The following GK variants were observed in gnomAD, a reference collection of about 807,000 sequenced individuals.
GK encodes the protein glycerol kinase.
A neutral mutation model predicts 56.4 loss-of-function variants in GK; 9 were observed. The observed-to-expected ratio is 0.16, with a 90% CI of 0.10 to 0.28. GK has a LOEUF of 0.28. GK is among the 10% of genes least tolerant of loss of function. GK has a pLI of 1.00. For missense variants in GK, 161 were observed against 431.4 expected, an observed-to-expected ratio of 0.37 and a Z score of 5.55; for synonymous variants, 104 against 144.1, an observed-to-expected ratio of 0.72 and a Z score of 1.99.
At chrX:30,660,780 G>A (rs1932689374) in intron 1 of GK, among the ~76,000 whole-genome samples, 1 of 104,049 alleles carries the variant, frequency 9.6e-6, no homozygotes, top group East Asian at 3.0e-4. Context: ...CCACACAAAA[G>A]TCTGAGAACA....
intron 3 of GK, among the ~76,000 whole-genome samples, chrX:30,676,887 T>C (rs1933942061): frequency 9.0e-6 from 1 of 111,593 alleles, no homozygotes; most frequent in Non-Finnish European, 1.9e-5. Context: ...ATAAGGATGC[T>C]CAGCATGAAG....
chrX:30,685,222 C>T (rs1348964340), intron 4 of GK, among the ~76,000 whole-genome samples: 2 of 110,580 alleles, frequency 1.8e-5, no homozygotes, highest in East Asian at 2.8e-4. Context: ...AGCTCCGCCT[C>T]CCGGGTTCAC....
At chrX:30,721,372 A>G (rs1001179326) in intron 18 of GK, among the ~76,000 whole-genome samples, 11 of 108,314 alleles carry the variant, frequency 1.0e-4, no homozygotes, top group Non-Finnish European at 1.7e-4. Context: ...GCTCACTGCA[A>G]GCTCCGCCTC....
chrX:30,715,267 T>C (rs1457105170), intron 13 of GK, among the ~76,000 whole-genome samples: 1 of 112,261 alleles, frequency 8.9e-6, no homozygotes, highest in Non-Finnish European at 1.9e-5. Context: ...TGAAGAAAAA[T>C]GTATTTGCCT....
intron 2 of GK, among the ~76,000 whole-genome samples, chrX:30,666,278 A>G (rs1400306391): frequency 1.8e-5 from 2 of 112,394 alleles, no homozygotes; most frequent in Non-Finnish European, 3.8e-5. Context: ...TAACAATGGA[A>G]TGCCATTTAG....
At position 30,668,049 on chromosome X, in the gene GK, G is replaced by C; in HGVS notation, c.190G>C (p.Val64Leu). Residue 64 changes from valine to leucine, a missense_variant, in exon 3 of 21, where the codon GTC (valine) becomes CTC (leucine). Coordinates refer to ENST00000427190, the MANE Select transcript of GK (RefSeq NM_001205019.2). Reference protein sequence around the residue: ...EQDPKEILHSVYECIEKTCEK... With the variant: ...EQDPKEILHSLYECIEKTCEK... ...GGACCCTAAGGAAATTCTACATTCT[G>C]TCTATGAGTGTATAGAGAAAACATG... 8.9e-7 allele frequency: 1 copy of C among 1,128,844 alleles called. No individual in the cohort carries two copies. Among genetic ancestry groups the C allele is most frequent in the Non-Finnish European group, 1.2e-6 (1 of 819,949 alleles). 93.0% of individuals were successfully genotyped at this position (1,128,844 alleles called of 1,213,427 possible). A position where few individuals can be genotyped will look rare whatever the true frequency, so the allele number is the denominator to read the frequency against.
intron 3 of GK, among the ~76,000 whole-genome samples, chrX:30,675,129 A>T (rs750827400): frequency 1.8e-5 from 2 of 111,359 alleles, no homozygotes; most frequent in Non-Finnish European, 3.8e-5. Flanking sequence ...ATGTAGAAGG[A>T]TTACCCTTAT....
intron 1 of GK, among the ~76,000 whole-genome samples, chrX:30,657,250 A>G (rs1932364592): frequency 1.8e-5 from 2 of 112,735 alleles, no homozygotes; most frequent in East Asian, 2.8e-4. Flanking sequence ...TAGTAGACAT[A>G]CAATAGAACA....
Position 30,728,799 on chromosome X carries a change from A to G in GK, c.*57A>G. 1 of 898,253 alleles carries G rather than the reference A, an allele frequency of 1.1e-6. No homozygotes were observed. Among genetic ancestry groups the G allele is most frequent in the Non-Finnish European group, 1.6e-6 (1 of 611,183 alleles). The allele number at this position is 898,253 out of a possible 1,213,427, so 74.0% of individuals were successfully genotyped here. On this transcript the variant is annotated 3_prime_UTR_variant, in exon 21 of 21. Coordinates refer to ENST00000427190, the MANE Select transcript of GK (RefSeq NM_001205019.2). ...AGCTTTTTACATAATGAAAGAACCC[A>G]GCAATTCTGTCTCTTAATGCAATGA...
chrX:30,723,211 C>T (rs1348842078), intron 18 of GK, among the ~76,000 whole-genome samples: 7 of 110,134 alleles, frequency 6.4e-5, no homozygotes, highest in Admixed American at 2.9e-4. Context: ...CTGGCTAGCA[C>T]GGTGAAACCC....
intron 14 of GK, among the ~76,000 whole-genome samples, chrX:30,718,862 T>C (rs1000896883): frequency 1.8e-5 from 2 of 111,900 alleles, no homozygotes; most frequent in African/African-American, 6.5e-5. Flanking sequence ...AAGTGTAAAA[T>C]TGAACACTGG....
At chrX:30,696,408 T>G (rs1935236625) in intron 7 of GK, among the ~76,000 whole-genome samples, 1 of 112,576 alleles carries the variant, frequency 8.9e-6, no homozygotes, top group East Asian at 2.8e-4. Flanking sequence ...CTTTCTAATT[T>G]TTATTGATTG....
chrX:30,676,562 A>G (rs1933915607), intron 3 of GK, among the ~76,000 whole-genome samples: 1 of 111,378 alleles, frequency 9.0e-6, no homozygotes, highest in African/African-American at 3.3e-5. Context: ...AACCCATACC[A>G]ATGCTCACAT....
chrX:30,663,263 A>T (rs991991594), intron 1 of GK, among the ~76,000 whole-genome samples: 3 of 111,853 alleles, frequency 2.7e-5, no homozygotes. Context: ...CACAGCTGGA[A>T]TTTCCTATTG....
At chrX:30,717,504 C>A (rs925486130) in intron 13 of GK, among the ~76,000 whole-genome samples, 3 of 111,190 alleles carry the variant, frequency 2.7e-5, no homozygotes, top group African/African-American at 9.8e-5. Flanking sequence ...CCAGCCCAGG[C>A]AACCACTAAT....
intron 2 of GK, 58 bp from the exon 3 acceptor site, chrX:30,667,954 G>GA (rs1933194894): frequency 3.0e-6 from 2 of 665,136 alleles, no homozygotes; most frequent in South Asian, 2.2e-5. Flanking sequence ...CATTTCTATA[G>GA]AAAAAAGTTA....
chrX:30,693,885 C>T (rs1321489552), intron 5 of GK, among the ~76,000 whole-genome samples: 3 of 111,615 alleles, frequency 2.7e-5, no homozygotes, highest in African/African-American at 6.5e-5. Flanking sequence ...TTGAGCTCTA[C>T]TTTAGTGTCT....
chrX:30,697,689 ATAT>A, intron 8 of GK, 40 bp from the exon 9 acceptor site: 5 of 986,853 alleles, frequency 5.1e-6, no homozygotes, highest in Middle Eastern at 2.5e-4. Context: ...TGTATTTAAA[ATAT>A]TATGCTTCTA....
intron 1 of GK, among the ~76,000 whole-genome samples, chrX:30,658,081 G>A (rs1468695702): frequency 2.7e-5 from 3 of 111,535 alleles, no homozygotes; most frequent in Non-Finnish European, 5.6e-5. Context: ...GACTAGAATT[G>A]TAGCTCAGTG....
Sources: allele counts gnomAD v4.1 joint callset (sites outside exome capture counted in the v4.1 genomes callset), GRCh38; gene constraint gnomAD v4.1.1; transcripts MANE v1.5; gene names NCBI Gene and HGNC (gene_info 2026-07-23, HGNC 2026-07-21).